R3HDM4: variants seen among roughly 807,000 people sequenced by gnomAD.
R3HDM4 encodes the protein R3H domain containing 4.
In R3HDM4, 30 loss-of-function variants were observed where a neutral mutation model predicts 31.3. The ratio of observed to expected loss-of-function variants is 0.96; its 90% CI spans 0.72 to 1.30. The LOEUF (loss-of-function observed/expected upper bound fraction) is 1.30, where lower values mean the gene tolerates loss of function less well. Ranked by LOEUF, R3HDM4 falls within the 50% of genes most tolerant of loss-of-function variation. The pLI is 0.00. For missense variants in R3HDM4, 444 were observed against 366.1 expected (o/e 1.21, Z -1.74); for synonymous variants, 196 against 156.6 (o/e 1.25, Z -1.88).
intron 7 of R3HDM4, among the ~76,000 whole-genome samples, 200 bp from the exon 8 acceptor site, chr19:897,740 G>A (rs903484034): frequency 3.9e-5 from 6 of 152,252 alleles, no homozygotes; most frequent in African/African-American, 1.4e-4. Context: ...CTCCCTACAG[G>A]AGCACTCTCC....
chr19:900,823 C>T lies in R3HDM4; in HGVS notation c.475+6G>A, dbSNP rs377694365. ...CCACCCATACCCGCCCCAGCCAGGC[C>T]CGCACCTCTCCTCCGGTCCTCCCCA... On this transcript the variant is annotated splice_donor_region_variant and intron_variant, in intron 4 of 7. Coordinates refer to ENST00000361574, the MANE Select transcript of R3HDM4 (RefSeq NM_138774.4). 3.0e-5 allele frequency: 46 copies of T among 1,536,240 alleles called. No homozygotes were observed. The highest frequency in any genetic ancestry group is 4.6e-4 in the Middle Eastern group (2 of 4,386).
In R3HDM4 at chr19:897,480, G is replaced by C; in HGVS notation, c.764C>G (p.Pro255Arg). 6.2e-7 allele frequency: 1 copy of C among 1,612,862 alleles called. No individual in the cohort carries two copies. Among genetic ancestry groups the C allele is most frequent in the South Asian group, 1.1e-5 (1 of 90,958 alleles). Residue 255 changes from proline (P) to arginine (R), a missense_variant, in exon 8 of 8, where the codon CCG (proline) becomes CGG (arginine). Physicochemically the swap from Pro to Arg is moderately radical, Grantham distance 103. Transcript: ENST00000361574. The part of the protein sequence containing the change: ...KVSNRHLDFL[P>R]PGLLLSAYLE... ...GTAGGCGGACAGGAGCAGCCCCGGC[G>C]GCAGGAAATCCAGGTGCCGATTACT...
chr19:901,698 C>A lies in R3HDM4; in HGVS notation c.227-152G>T, dbSNP rs1370084384. 3.8e-6 allele frequency: 4 copies of A among 1,065,218 alleles called. No homozygotes were observed. In the African/African-American group the frequency reaches 6.3e-5, roughly 17 times the overall value. The allele number at this position is 1,065,218 out of a possible 1,614,324, so 66.0% of individuals were successfully genotyped here. On this transcript the variant is annotated intron_variant, in intron 2 of 7. Transcript: ENST00000361574. ...TCTTCCCCAGAAGGTACAGAGACCA[C>A]CTAGACCCCAGGTTCTGGATTGTCG...
At position 899,632 on chromosome 19, in the gene R3HDM4, G is replaced by T. The variant is rs757639371; in HGVS notation, c.616C>A (p.Gln206Lys). The T allele has an allele frequency of 6.2e-7, 1 of 1,608,358 alleles. No individual in the cohort carries two copies. The highest frequency in any genetic ancestry group is 1.1e-5 in the South Asian group (1 of 90,912). Residue 206 changes from glutamine to lysine, a missense_variant, in exon 6 of 8, where the codon CAG becomes AAG. Coordinates refer to ENST00000361574, the MANE Select transcript of R3HDM4 (RefSeq NM_138774.4). This position sits in a 1 kb window ranked among gnomAD's most constrained non-coding sequence, Gnocchi z 6.8. ...TCTAGCATTGCTGTGTACACGGCCT[G>T]GGGGGACACGGAGAAGAACCGAAGC... Reference protein sequence around the residue: ...RLLRFFSVSPQAVYTAMLDNS... With the variant: ...RLLRFFSVSPKAVYTAMLDNS...
chr19:911,993 C>T (rs989993164), intron 1 of R3HDM4, among the ~76,000 whole-genome samples: 1 of 148,674 alleles, frequency 6.7e-6, no homozygotes, highest in Non-Finnish European at 1.5e-5. Flanking sequence ...AACCCCGACC[C>T]GCGGACAGGG....
In R3HDM4 at chr19:897,533, G is replaced by A. The variant is rs377022733; in HGVS notation, c.711C>T (p.Asp237=). The A allele has an allele frequency of 4.3e-6, 7 of 1,611,102 alleles. No individual in the cohort carries two copies. The African/African-American group carries it at 8.0e-5, about 18-fold the overall frequency. ...CCTTCATCTGCCGCTTCCCCTCCAG[G>A]TCAGCACCTGCAGACGGGACCAGCG... ...QYMDLISASA[D]LEGKRQMKVS... is the part of the protein sequence containing the mutation. Residue 237 remains aspartate (D), a synonymous_variant, in exon 8 of 8, where the codon GAC becomes GAT. Coordinates refer to ENST00000361574, the MANE Select transcript of R3HDM4 (RefSeq NM_138774.4).
chr19:911,927 C>T (rs995749554), intron 1 of R3HDM4, among the ~76,000 whole-genome samples: 5 of 149,546 alleles, frequency 3.3e-5, no homozygotes, highest in African/African-American at 1.2e-4. Flanking sequence ...GCCCAGAGGG[C>T]GAGTGGGGCC....
Position 902,108 on chromosome 19 carries a change from C to G in R3HDM4, c.94G>C (p.Ala32Pro). ...RLLPLPSCLP[A>P]LASSQVKRLS... ...CTCTTCACCTGGGAGCTGGCTAGGGCAGGCAGGCAGCTGGGAAGGGGCCTG... is the reference window on the plus strand; with the variant it reads ...CTCTTCACCTGGGAGCTGGCTAGGGGAGGCAGGCAGCTGGGAAGGGGCCTG... The change falls in exon 2 of 8, where the codon GCC becomes CCC. Residue 32 changes from alanine to proline, a missense_variant. Physicochemically the swap from Ala to Pro is conservative, Grantham distance 27 (BLOSUM62 -1). Coordinates refer to ENST00000361574, the MANE Select transcript of R3HDM4 (RefSeq NM_138774.4). 1 of 1,613,458 alleles carries G rather than the reference C, an allele frequency of 6.2e-7. No homozygotes were observed.
intron 4 of R3HDM4, 40 bp from the exon 5 acceptor site, chr19:900,186 C>T (rs146459823): frequency 1.0e-5 from 15 of 1,484,548 alleles, no homozygotes; most frequent in Non-Finnish European, 1.3e-5. Flanking sequence ...TTGGGGTGCT[C>T]GTCCTGGCCC....
At position 899,704 on chromosome 19, in the gene R3HDM4, G is replaced by C. The variant is rs1444874674; in HGVS notation, c.562-18C>G. The C allele has an allele frequency of 1.9e-6, 3 of 1,551,626 alleles. No individual in the cohort carries two copies. In the African/African-American group the frequency reaches 4.1e-5, roughly 21 times the overall value. On this transcript the variant is annotated intron_variant, in intron 5 of 7. Transcript: ENST00000361574. This position sits in a 1 kb window ranked among gnomAD's most constrained non-coding sequence, Gnocchi z 6.8. Reference sequence around the variant, plus strand: ...AGCGTTTCCTGGGGAGAGCGGCCCGGTGGTCAGGGAACTGCGGGACCTGTG... The same window carrying C: ...AGCGTTTCCTGGGGAGAGCGGCCCGCTGGTCAGGGAACTGCGGGACCTGTG...
chr19:901,693 G>T (rs2036839675), intron 2 of R3HDM4, 147 bp from the exon 3 acceptor site: 1 of 1,066,850 alleles, frequency 9.4e-7, no homozygotes, highest in Non-Finnish European at 1.3e-6. Context: ...AAGGTACAGA[G>T]ACCACCTAGA....
chr19:899,330 T>A lies in R3HDM4; in HGVS notation c.703+110A>T. The A allele has an allele frequency of 8.7e-7, 1 of 1,152,974 alleles. No homozygotes were observed. The highest frequency in any genetic ancestry group is 1.3e-6 in the Non-Finnish European group (1 of 779,712). The allele number at this position is 1,152,974 out of a possible 1,614,324, so 71.4% of individuals were successfully genotyped here. ...CGTAGCGTCCCCACTCCAGCCCCCT[T>A]CCCCACCTCCCCACCAAGCCCCACT... is the stretch of plus-strand genomic sequence containing the variant. On this transcript the variant is annotated intron_variant, in intron 7 of 7. Transcript: ENST00000361574. The surrounding 1 kb of genome is among the most constrained non-coding windows in gnomAD (Gnocchi z 6.8).
Position 902,129 on chromosome 19 carries a change from G to C in R3HDM4, c.73C>G (p.Pro25Ala), listed in dbSNP as rs768170533. ...AGGGCAGGCAGGCAGCTGGGAAGGG[G>C]CCTGTGGGCCGGGGCAGGGGTGGTC... Reference protein sequence around the residue: ...EGTPGGRRLLPLPSCLPALAS... With the variant: ...EGTPGGRRLLALPSCLPALAS... The change falls in exon 2 of 8, where the codon CCC becomes GCC. Residue 25 changes from proline to alanine, a missense_variant and splice_region_variant. Coordinates refer to ENST00000361574, the MANE Select transcript of R3HDM4 (RefSeq NM_138774.4). 3 of 1,612,640 alleles carry C rather than the reference G, an allele frequency of 1.9e-6. No individual in the cohort carries two copies. The highest frequency in any genetic ancestry group is 2.5e-6 in the Non-Finnish European group (3 of 1,179,890).
chr19:901,552 TG>T lies in R3HDM4; in HGVS notation c.227-7del. The T allele has an allele frequency of 6.3e-7, 1 of 1,599,820 alleles. No homozygotes were observed. Reference sequence around the variant, plus strand: ...CAGGGTCAGGAGGTACTGGGCTAGGTGGAAACAGATGCTCTCTGGGCCGGGG... The same window carrying T: ...CAGGGTCAGGAGGTACTGGGCTAGGTGAAACAGATGCTCTCTGGGCCGGGG... On this transcript the variant is annotated splice_polypyrimidine_tract_variant and splice_region_variant and intron_variant, in intron 2 of 7. Coordinates refer to ENST00000361574, the MANE Select transcript of R3HDM4 (RefSeq NM_138774.4).
chr19:899,360 G>A lies in R3HDM4; in HGVS notation c.703+80C>T, dbSNP rs2036791801. 1 of 1,455,078 alleles carries A rather than the reference G, an allele frequency of 6.9e-7. No individual in the cohort carries two copies. Among genetic ancestry groups the A allele is most frequent in the Non-Finnish European group, 9.6e-7 (1 of 1,038,400 alleles). 90.1% of individuals were successfully genotyped at this position (1,455,078 alleles called of 1,614,324 possible). On this transcript the variant is annotated intron_variant, in intron 7 of 7. Coordinates refer to ENST00000361574, the MANE Select transcript of R3HDM4 (RefSeq NM_138774.4). This position sits in a 1 kb window ranked among gnomAD's most constrained non-coding sequence, Gnocchi z 6.8. ...ACCTCCCCACCAAGCCCCACTCTGA[G>A]GAACCAGGCCCCTGGGACCCTGGCC...
rs1469303541 is a variant in R3HDM4 at position 907,688 on chromosome 19, T to G, written c.71+5399A>C. 1.3e-5 allele frequency among the ~76,000 whole-genome samples: 2 copies of G among 152,152 alleles called. No individual in the cohort carries two copies. The highest frequency in any genetic ancestry group is 2.9e-5 in the Non-Finnish European group (2 of 68,020). ...CCTCTCCTCCAGGCCCACAAGGACC[T>G]GCCTGGTCCTTCCCCTGCTCCAGCA... On this transcript the variant is annotated intron_variant, in intron 1 of 7. Coordinates refer to ENST00000361574, the MANE Select transcript of R3HDM4 (RefSeq NM_138774.4). The surrounding 1 kb of genome is among the most constrained non-coding windows in gnomAD (Gnocchi z 4.1).
chr19:903,259 C>T (rs2145292022), intron 1 of R3HDM4, among the ~76,000 whole-genome samples: 2 of 151,932 alleles, frequency 1.3e-5, no homozygotes, highest in South Asian at 4.2e-4. Context: ...CTTAATGTCC[C>T]CTGTCCCCAG....
At chr19:901,890 T>C in intron 2 of R3HDM4, 86 bp downstream of exon 2, 7 of 1,491,884 alleles carry the variant, frequency 4.7e-6, no homozygotes, top group Non-Finnish European at 6.4e-6. Context: ...GCACAGCTCA[T>C]GGGAGGGGTA....
At chr19:909,246 A>G (rs1309603348) in intron 1 of R3HDM4, among the ~76,000 whole-genome samples, 1 of 152,144 alleles carries the variant, frequency 6.6e-6, no homozygotes, top group Non-Finnish European at 1.5e-5. Context: ...TCGAGCAAAA[A>G]CACACCTTTC....
Sources: allele counts gnomAD v4.1 joint callset (sites outside exome capture counted in the v4.1 genomes callset), GRCh38; gene constraint gnomAD v4.1.1; non-coding constraint Gnocchi (gnomAD v3.1); transcripts MANE v1.5; gene names NCBI Gene and HGNC (gene_info 2026-07-23, HGNC 2026-07-21).